SYT13: variants seen among roughly 807,000 people sequenced by gnomAD.
The protein encoded by SYT13 is synaptotagmin 13.
Under a neutral mutation model 38.6 loss-of-function variants are expected in SYT13, and 21 were observed. The ratio of observed to expected loss-of-function variants is 0.54; its 90% CI spans 0.39 to 0.78. The LOEUF (loss-of-function observed/expected upper bound fraction) is 0.78. Ranked by LOEUF, SYT13 falls within the 30% of genes least tolerant of loss-of-function variation. The probability of loss-of-function intolerance (pLI) is 0.00; values close to 1 mark genes in which losing one functional copy is unlikely to be tolerated. For synonymous variants in SYT13, 241 were observed against 237.6 expected, an observed-to-expected ratio of 1.01 and a Z score of -0.13; for missense variants, 495 against 548.7, an observed-to-expected ratio of 0.90 and a Z score of 0.98.
chr11:45,276,441 G>T (rs1855010935), intron 1 of SYT13, among the ~76,000 whole-genome samples: 1 of 152,076 alleles, frequency 6.6e-6, no homozygotes, highest in Non-Finnish European at 1.5e-5. Context: ...AGTGGGTGGG[G>T]GACTAGGGGA....
chr11:45,254,434 A>G, intron 2 of SYT13, 30 bp from the exon 3 acceptor site: 1 of 1,604,480 alleles, frequency 6.2e-7, no homozygotes, highest in Non-Finnish European at 8.5e-7. Flanking sequence ...CGTCACTGCC[A>G]CCCACACTGG....
At chr11:45,281,020 C>A (rs554453288) in intron 1 of SYT13, among the ~76,000 whole-genome samples, 48 of 152,134 alleles carry the variant, frequency 3.2e-4, no homozygotes, top group African/African-American at 1.1e-3. Context: ...CATGGTGAAA[C>A]CCCATCTCTA....
intron 1 of SYT13, among the ~76,000 whole-genome samples, chr11:45,266,503 TACACACACACACACAC>T (rs68112111): frequency 6.8e-6 from 1 of 147,282 alleles, no homozygotes; most frequent in Non-Finnish European, 1.5e-5. Flanking sequence ...CCCTCTCAAA[TACACACACACACACAC>T]ACACACACAC....
rs149594647 is a variant in SYT13, at chr11:45,246,390, C to G, written c.969G>C (p.Leu323=). 3.1e-6 allele frequency: 5 copies of G among 1,613,840 alleles called. No homozygotes were observed. Among genetic ancestry groups the G allele is most frequent in the Non-Finnish European group, 4.2e-6 (5 of 1,179,880 alleles). ...CTCTCACATCTCACTCACCCTTCCC[C>G]AGGAGCTCCTTGGACTGGTTAGAGT... ...NLHSNQSKEL[L]GKDVSVKVTL... Residue 323 remains leucine, a synonymous_variant, in exon 5 of 6, where the codon CTG becomes CTC. Transcript: ENST00000020926.
intron 1 of SYT13, among the ~76,000 whole-genome samples, chr11:45,283,399 T>A (rs1244533287): frequency 6.6e-6 from 1 of 152,206 alleles, no homozygotes; most frequent in Admixed American, 6.5e-5. Flanking sequence ...TCAAGGAACA[T>A]CCTCAGAGAG....
In SYT13 at chr11:45,267,642, C is replaced by G. The variant is rs548633924; in HGVS notation, c.184-11751G>C. ...TGTCTCAGAGTCCGCTCAGCTCCCCCCGGCAACACTGATTTGCCTGCTAGG... is the reference window on the plus strand; with the variant it reads ...TGTCTCAGAGTCCGCTCAGCTCCCCGCGGCAACACTGATTTGCCTGCTAGG... On this transcript the variant is annotated intron_variant, in intron 1 of 5. Transcript: ENST00000020926. Among the ~76,000 whole-genome samples, 10 of 152,262 alleles carry G rather than the reference C, an allele frequency of 6.6e-5. No individual in the cohort carries two copies. The South Asian group carries it at 1.7e-3, about 25-fold the overall frequency.
intron 1 of SYT13, among the ~76,000 whole-genome samples, chr11:45,270,248 C>T (rs1370254490): frequency 6.6e-6 from 1 of 152,230 alleles, no homozygotes; most frequent in Non-Finnish European, 1.5e-5. Context: ...TTGAAAACTT[C>T]TGTCAGATAG....
At position 45,244,301 on chromosome 11, in the gene SYT13, C is replaced by A. The variant is rs758385601; in HGVS notation, c.1032G>T (p.Gln344His). 6 of 1,614,028 alleles carry A rather than the reference C, an allele frequency of 3.7e-6. No homozygotes were observed. In the Admixed American group the frequency reaches 6.7e-5, roughly 18 times the overall value. Residue 344 changes from glutamine to histidine, a missense_variant, in exon 6 of 6, where the codon CAG (glutamine) becomes CAT (histidine). Transcript: ENST00000020926. ...TGATCTTGTGCTTAGCTCGTTTAGT[C>A]TGCTTCTTCTTCAGCTTCCGAGCCT... ...KHQARKLKKK[Q>H]TKRAKHKINP...
chr11:45,284,746 G>A (rs1855113754), intron 1 of SYT13, among the ~76,000 whole-genome samples: 1 of 152,118 alleles, frequency 6.6e-6, no homozygotes, highest in South Asian at 2.1e-4. Flanking sequence ...AGAGGCGGCC[G>A]ACCACGACTT....
chr11:45,251,528 A>G (rs959333627), intron 4 of SYT13, among the ~76,000 whole-genome samples: 2 of 151,996 alleles, frequency 1.3e-5, no homozygotes, highest in Non-Finnish European at 2.9e-5. Context: ...CAGTCTTTAG[A>G]TCAGTATAGC....
At chr11:45,249,229 G>A (rs562257709) in intron 4 of SYT13, among the ~76,000 whole-genome samples, 26 of 152,296 alleles carry the variant, frequency 1.7e-4, no homozygotes, top group Middle Eastern at 3.4e-3. Flanking sequence ...TTAGAATGGC[G>A]ATCATTAAAG....
chr11:45,273,035 A>G (rs76433582), intron 1 of SYT13, among the ~76,000 whole-genome samples: 4,226 of 152,282 alleles, frequency 0.028, 95 homozygotes, highest in African/African-American at 0.059. Flanking sequence ...TGGTTTGAGT[A>G]TGCTATCAAT....
chr11:45,256,367 T>C (rs1184933716), intron 1 of SYT13, among the ~76,000 whole-genome samples: 1 of 151,858 alleles, frequency 6.6e-6, no homozygotes, highest in Non-Finnish European at 1.5e-5. Context: ...CTTCCTTTGC[T>C]CATCTCCAGT....
At chr11:45,264,472 C>A (rs1854857671) in intron 1 of SYT13, among the ~76,000 whole-genome samples, 1 of 152,168 alleles carries the variant, frequency 6.6e-6, no homozygotes, top group Admixed American at 6.5e-5. Context: ...TATAGAGAGC[C>A]CCATGTGCAA....
intron 1 of SYT13, among the ~76,000 whole-genome samples, chr11:45,261,837 A>G (rs1590519175): frequency 6.8e-6 from 1 of 147,140 alleles, no homozygotes; most frequent in South Asian, 2.2e-4. Context: ...AATCGCTTGA[A>G]CCCGGGAGGC....
chr11:45,260,517 TAG>T (rs1854802050), intron 1 of SYT13, among the ~76,000 whole-genome samples: 1 of 152,052 alleles, frequency 6.6e-6, no homozygotes, highest in African/African-American at 2.4e-5. Flanking sequence ...AGCAGGGCCC[TAG>T]AGAGAGACCT....
intron 1 of SYT13, among the ~76,000 whole-genome samples, chr11:45,285,098 C>T (rs1290632548): frequency 1.3e-5 from 2 of 152,166 alleles, no homozygotes; most frequent in African/African-American, 4.8e-5. Context: ...ATGCCCCTGC[C>T]CCAGGGCCAT....
At chr11:45,244,430 A>T in intron 5 of SYT13, 74 bp from the exon 6 acceptor site, 1 of 1,514,860 alleles carries the variant, frequency 6.6e-7, no homozygotes, top group Non-Finnish European at 8.9e-7. Context: ...GGCAGGGCCC[A>T]GGACAAAGCT....
chr11:45,268,486 A>G (rs1854911259), intron 1 of SYT13, among the ~76,000 whole-genome samples: 1 of 152,188 alleles, frequency 6.6e-6, no homozygotes, highest in Non-Finnish European at 1.5e-5. Flanking sequence ...AAGAAAACCC[A>G]TCATATGCAG....
Sources: allele counts gnomAD v4.1 joint callset (sites outside exome capture counted in the v4.1 genomes callset), GRCh38; gene constraint gnomAD v4.1.1; transcripts MANE v1.5; gene names NCBI Gene and HGNC (gene_info 2026-07-23, HGNC 2026-07-21).